The following ANKRD44 variants were observed in gnomAD, a reference collection of about 807,000 sequenced individuals.
ANKRD44 encodes the protein ankyrin repeat domain 44.
A neutral mutation model predicts 116.0 loss-of-function variants in ANKRD44; 35 were observed. That is an observed-to-expected ratio of 0.30 (90% CI 0.23 to 0.40). The LOEUF (loss-of-function observed/expected upper bound fraction) is 0.40. ANKRD44 is among the 10% of genes least tolerant of loss of function. The probability of loss-of-function intolerance (pLI) is 1.00; values close to 1 mark genes in which losing one functional copy is unlikely to be tolerated. For missense variants in ANKRD44, 1,014 were observed against 1,242.6 expected, an observed-to-expected ratio of 0.82 and a Z score of 2.77; for synonymous variants, 435 against 461.8, an observed-to-expected ratio of 0.94 and a Z score of 0.74.
chr2:196,988,965 T>C lies in ANKRD44; in HGVS notation c.*626A>G, dbSNP rs935158765. 1.2e-5 allele frequency: 12 copies of C among 985,334 alleles called. 1 individual carries two copies. In the Admixed American group the frequency reaches 1.8e-4, roughly 15 times the overall value. The allele number at this position is 985,334 out of a possible 1,614,324, so 61.0% of individuals were successfully genotyped here. A position where few individuals can be genotyped will look rare whatever the true frequency, so the allele number is the denominator to read the frequency against. ...TCGCAGAAGGGCATCCAGACTGCAATGTCTTCTAAGCTCTAAGCTGGCTAC... is the reference window on the plus strand; with the variant it reads ...TCGCAGAAGGGCATCCAGACTGCAACGTCTTCTAAGCTCTAAGCTGGCTAC... On this transcript the variant is annotated 3_prime_UTR_variant, in exon 28 of 28. Transcript: ENST00000282272.
At chr2:196,981,449 T>A (rs1320791066) in intron 21 of ANKRD44, among the ~76,000 whole-genome samples, 4 of 152,166 alleles carry the variant, frequency 2.6e-5, no homozygotes, top group Non-Finnish European at 5.9e-5. Flanking sequence ...GTGTACTAAA[T>A]CCTACTCAGT....
chr2:197,096,406 A>G (rs930582506), intron 10 of ANKRD44, among the ~76,000 whole-genome samples: 6 of 152,232 alleles, frequency 3.9e-5, no homozygotes, highest in African/African-American at 1.4e-4. Flanking sequence ...AGGCAAATTA[A>G]AATCCTCGAG....
chr2:197,191,100 A>G (rs1034748918), intron 1 of ANKRD44, among the ~76,000 whole-genome samples: 5 of 152,226 alleles, frequency 3.3e-5, no homozygotes, highest in Admixed American at 6.5e-5. Context: ...TTTAGCTTCA[A>G]TTGCTAGAAT....
chr2:197,099,692 T>A (rs2078243949), intron 10 of ANKRD44, 124 bp downstream of exon 10: 14 of 1,347,578 alleles, frequency 1.0e-5, no homozygotes, highest in Non-Finnish European at 1.3e-5. Flanking sequence ...TAATTTGTAT[T>A]TAGTATAATG....
intron 16 of ANKRD44, among the ~76,000 whole-genome samples, chr2:197,063,833 T>C (rs1365916790): frequency 6.6e-6 from 1 of 152,242 alleles, no homozygotes; most frequent in South Asian, 2.1e-4. Flanking sequence ...CTGATTGGTG[T>C]ACCTGAAAGT....
chr2:197,136,808 T>C (rs1302737558), intron 3 of ANKRD44, 146 bp from the exon 4 acceptor site: 3 of 691,626 alleles, frequency 4.3e-6, no homozygotes, highest in African/African-American at 1.8e-5. Context: ...CTGACAAGAT[T>C]TGATCAAGGC....
At chr2:197,233,457 C>T (rs1358537884) in intron 1 of ANKRD44, among the ~76,000 whole-genome samples, 1 of 152,100 alleles carries the variant, frequency 6.6e-6, no homozygotes, top group Non-Finnish European at 1.5e-5. Flanking sequence ...CATTTTTCTT[C>T]AGCCAATATC....
At chr2:197,069,758 A>C (rs184011018) in intron 16 of ANKRD44, among the ~76,000 whole-genome samples, 2 of 152,242 alleles carry the variant, frequency 1.3e-5, no homozygotes, top group Admixed American at 1.3e-4. Context: ...ATTCCATATA[A>C]ATTTTAGAAA....
Position 196,986,864 on chromosome 2 carries a change from A to G in ANKRD44, c.*2727T>C. On this transcript the variant is annotated 3_prime_UTR_variant, in exon 28 of 28. Coordinates refer to ENST00000282272, the MANE Select transcript of ANKRD44 (RefSeq NM_001195144.2). ...TTTTCCCCATTTTTACAGTCATGAC[A>G]TTTACCAGAGTCATTCAACTCCAAT... 6 of 985,428 alleles carry G rather than the reference A, an allele frequency of 6.1e-6. No individual in the cohort carries two copies. Among genetic ancestry groups the G allele is most frequent in the Non-Finnish European group, 6.0e-6 (5 of 829,910 alleles). 61.0% of individuals were successfully genotyped at this position (985,428 alleles called of 1,614,324 possible).
intron 3 of ANKRD44, among the ~76,000 whole-genome samples, chr2:197,139,092 T>A (rs192451490): frequency 6.6e-6 from 1 of 152,202 alleles, no homozygotes; most frequent in East Asian, 1.9e-4. Context: ...AGAGTGTGAA[T>A]TGGTACAACC....
chr2:197,106,694 G>A (rs1350977964), intron 9 of ANKRD44, among the ~76,000 whole-genome samples: 2 of 151,704 alleles, frequency 1.3e-5, no homozygotes, highest in East Asian at 1.9e-4. Context: ...GGAGGCTGAG[G>A]CAGGAGAATG....
chr2:197,268,248 G>T (rs188686207), intron 1 of ANKRD44, among the ~76,000 whole-genome samples: 2 of 152,310 alleles, frequency 1.3e-5, no homozygotes, highest in African/African-American at 4.8e-5. Context: ...TATCAGTCTT[G>T]TTAATAGCAA....
intron 1 of ANKRD44, among the ~76,000 whole-genome samples, chr2:197,230,784 C>G (rs938150343): frequency 2.0e-5 from 3 of 152,130 alleles, no homozygotes; most frequent in African/African-American, 7.2e-5. Flanking sequence ...GGCCTCGGGT[C>G]TCTTCTTCCA....
At chr2:197,143,258 G>C (rs1459123109) in intron 3 of ANKRD44, among the ~76,000 whole-genome samples, 1 of 149,656 alleles carries the variant, frequency 6.7e-6, no homozygotes, top group African/African-American at 2.5e-5. Flanking sequence ...GTGCAGGTTA[G>C]TTACATATGT....
intron 1 of ANKRD44, among the ~76,000 whole-genome samples, chr2:197,227,198 G>A (rs552342421): frequency 6.6e-6 from 1 of 152,112 alleles, no homozygotes; most frequent in East Asian, 1.9e-4. Flanking sequence ...AACTTCATTC[G>A]GTGGTAAACT....
chr2:197,192,591 C>A (rs1461306624), intron 1 of ANKRD44, among the ~76,000 whole-genome samples: 3 of 152,150 alleles, frequency 2.0e-5, no homozygotes, highest in African/African-American at 7.2e-5. Context: ...CAAGCTGAAA[C>A]ACTTCGTTAG....
chr2:197,149,727 T>C (rs141046855), intron 2 of ANKRD44, among the ~76,000 whole-genome samples: 12 of 152,326 alleles, frequency 7.9e-5, no homozygotes, highest in African/African-American at 2.9e-4. Context: ...ACGTCTTCTC[T>C]TCTAACAAGG....
At chr2:197,137,193 G>A (rs1574526190) in intron 3 of ANKRD44, among the ~76,000 whole-genome samples, 1 of 152,194 alleles carries the variant, frequency 6.6e-6, no homozygotes, top group East Asian at 1.9e-4. Context: ...TCCTTTTAGG[G>A]GGTTCAGGGT....
At chr2:197,288,498 G>C (rs1408328177) in intron 1 of ANKRD44, among the ~76,000 whole-genome samples, 2 of 152,122 alleles carry the variant, frequency 1.3e-5, no homozygotes, top group Non-Finnish European at 2.9e-5. Context: ...CAGTCCAAAG[G>C]AAAAGAAACC....
Sources: allele counts gnomAD v4.1 joint callset (sites outside exome capture counted in the v4.1 genomes callset), GRCh38; gene constraint gnomAD v4.1.1; transcripts MANE v1.5; gene names NCBI Gene and HGNC (gene_info 2026-07-23, HGNC 2026-07-21).